The following ARK2C variants were observed in gnomAD, a reference collection of about 807,000 sequenced individuals.
The protein encoded by ARK2C is E3 ubiquitin-protein ligase ARK2C.
At chr18:46,335,258 G>C in the ARK2C span, 1 of 152,120 alleles carries the variant, frequency 6.6e-6, no homozygotes, top group South Asian at 2.1e-4. Flanking sequence ...ACAAAGCAGC[G>C]GGCCGGCGCG....
chr18:46,408,492 A>G, the ARK2C span, among the ~76,000 whole-genome samples: 5,647 of 152,334 alleles, frequency 0.037, 102 homozygotes, highest in Middle Eastern at 0.048. Flanking sequence ...GGTCTAACCC[A>G]TTAAAACCCA....
At chr18:46,461,471 C>G in the ARK2C span, 1 of 152,192 alleles carries the variant, frequency 6.6e-6, no homozygotes, top group Non-Finnish European at 1.5e-5. Context: ...ATGGTGAAAC[C>G]CTGTCTCTAC....
At chr18:46,381,619 C>G in the ARK2C span, among the ~76,000 whole-genome samples, 1 of 152,054 alleles carries the variant, frequency 6.6e-6, no homozygotes, top group Non-Finnish European at 1.5e-5. Context: ...TTGCTACAGC[C>G]CAGGAACTTA....
chr18:46,345,280 G>A, the ARK2C span, among the ~76,000 whole-genome samples: 4 of 152,220 alleles, frequency 2.6e-5, no homozygotes, highest in Non-Finnish European at 5.9e-5. Flanking sequence ...GGTCATCTGG[G>A]GTGAGGGGGC....
the ARK2C span, among the ~76,000 whole-genome samples, chr18:46,441,617 G>A: frequency 6.6e-6 from 1 of 152,120 alleles, no homozygotes; most frequent in Non-Finnish European, 1.5e-5. Flanking sequence ...GGCCAGGCGC[G>A]GTGGCTCATG....
At chr18:46,459,991 C>A in the ARK2C span, 1 of 152,644 alleles carries the variant, frequency 6.6e-6, no homozygotes, top group African/African-American at 2.4e-5. Flanking sequence ...CAACCCAACA[C>A]CACAAGCTTG....
chr18:46,367,891 T>A, the ARK2C span, among the ~76,000 whole-genome samples: 1 of 152,224 alleles, frequency 6.6e-6, no homozygotes, highest in African/African-American at 2.4e-5. Flanking sequence ...GGTGCAGGCA[T>A]CTGTACTTTG....
At chr18:46,407,419 G>A in the ARK2C span, among the ~76,000 whole-genome samples, 46 of 152,142 alleles carry the variant, frequency 3.0e-4, no homozygotes, top group Non-Finnish European at 6.2e-4. Flanking sequence ...ACATATTGTC[G>A]TCATCATCAT....
the ARK2C span, among the ~76,000 whole-genome samples, chr18:46,366,060 A>G: frequency 3.9e-4 from 59 of 152,180 alleles, no homozygotes; most frequent in African/African-American, 1.4e-3. Context: ...TGGGAGGCCA[A>G]GGAGGGCGGA....
chr18:46,450,672 G>A, the ARK2C span: 12 of 1,546,630 alleles, frequency 7.8e-6, no homozygotes, highest in Non-Finnish European at 1.1e-5. Context: ...TATACATGCT[G>A]AGCACACATG....
chr18:46,416,657 T>A, the ARK2C span, among the ~76,000 whole-genome samples: 1 of 152,258 alleles, frequency 6.6e-6, no homozygotes, highest in East Asian at 1.9e-4. Flanking sequence ...TGGGTTGGGC[T>A]CAGCTGGGAA....
the ARK2C span, chr18:46,447,421 A>G: frequency 3.6e-6 from 3 of 842,632 alleles, no homozygotes; most frequent in Admixed American, 6.4e-5. Flanking sequence ...AAGAGAGAGG[A>G]AAGGCTGGGA....
At chr18:46,445,124 T>C in the ARK2C span, among the ~76,000 whole-genome samples, 5 of 152,220 alleles carry the variant, frequency 3.3e-5, no homozygotes, top group African/African-American at 1.2e-4. Flanking sequence ...ACATCATTTA[T>C]GAATAATTGT....
the ARK2C span, chr18:46,458,576 A>T: frequency 8.5e-5 from 13 of 152,614 alleles, no homozygotes; most frequent in African/African-American, 3.1e-4. Flanking sequence ...ACCAGGACCA[A>T]TGGGTAAAAG....
At chr18:46,380,777 G>T in the ARK2C span, among the ~76,000 whole-genome samples, 3 of 152,160 alleles carry the variant, frequency 2.0e-5, no homozygotes, top group Admixed American at 2.0e-4. Context: ...GACAAAGAGG[G>T]GTTGCAAAGC....
the ARK2C span, among the ~76,000 whole-genome samples, chr18:46,364,957 G>A: frequency 3.3e-5 from 5 of 152,104 alleles, no homozygotes; most frequent in African/African-American, 1.2e-4. Context: ...GTCCCAGCTG[G>A]GTCTCTCCTA....
chr18:46,415,134 C>T, the ARK2C span, among the ~76,000 whole-genome samples: 1 of 152,146 alleles, frequency 6.6e-6, no homozygotes, highest in African/African-American at 2.4e-5. Flanking sequence ...GTGTCCCCTC[C>T]CCAGGCCTAC....
At chr18:46,456,962 G>GC in the ARK2C span, 3 of 358,748 alleles carry the variant, frequency 8.4e-6, no homozygotes, top group South Asian at 8.1e-5. Context: ...TGACAGACGG[G>GC]CCCCTCAATC....
chr18:46,454,209 A>C, the ARK2C span, among the ~76,000 whole-genome samples: 1 of 152,044 alleles, frequency 6.6e-6, no homozygotes, highest in African/African-American at 2.4e-5. Flanking sequence ...ATTAAGCTAA[A>C]ATTTTTAACT....
Sources: allele counts gnomAD v4.1 joint callset (sites outside exome capture counted in the v4.1 genomes callset), GRCh38; gene constraint gnomAD v4.1.1; transcripts MANE v1.5; gene names NCBI Gene and HGNC (gene_info 2026-07-23, HGNC 2026-07-21).